The following BNC2 variants were observed in gnomAD, a reference collection of about 807,000 sequenced individuals.
BNC2 encodes the protein zinc finger protein basonuclin-2.
Under a neutral mutation model 76.3 loss-of-function variants are expected in BNC2, and 20 were observed. The observed-to-expected ratio is 0.26, with a 90% CI of 0.18 to 0.38. The LOEUF is 0.38. Among genes scored for constraint, BNC2 ranks in the 10% least tolerant of loss-of-function variants. The pLI is 1.00. For synonymous variants in BNC2, 582 were observed against 514.8 expected (o/e 1.13, Z -1.77); for missense variants, 1,382 against 1,399.8 (o/e 0.99, Z 0.20).
chr9:16,824,644 G>A (rs1818411347), intron 1 of BNC2, among the ~76,000 whole-genome samples: 2 of 152,102 alleles, frequency 1.3e-5, no homozygotes, highest in African/African-American at 4.8e-5. Context: ...GCTAGGCCCA[G>A]CTAATGCCAT....
At chr9:16,430,588 T>A (rs1820889942) in intron 6 of BNC2, among the ~76,000 whole-genome samples, 1 of 152,202 alleles carries the variant, frequency 6.6e-6, no homozygotes, top group Non-Finnish European at 1.5e-5. Flanking sequence ...TGTTTTCGCA[T>A]CTTCACCTCT....
At chr9:16,578,942 G>A (rs1395783170) in intron 4 of BNC2, among the ~76,000 whole-genome samples, 2 of 152,000 alleles carry the variant, frequency 1.3e-5, no homozygotes, top group Non-Finnish European at 2.9e-5. Context: ...GCCATTTCTG[G>A]CCCATCAACT....
At chr9:16,718,019 A>T (rs1824039137) in intron 3 of BNC2, among the ~76,000 whole-genome samples, 1 of 152,208 alleles carries the variant, frequency 6.6e-6, no homozygotes, top group African/African-American at 2.4e-5. Flanking sequence ...GTCATGAGAA[A>T]ACCTGGAATA....
intron 1 of BNC2, among the ~76,000 whole-genome samples, chr9:16,810,896 T>G (rs1240302587): frequency 1.3e-5 from 2 of 152,148 alleles, no homozygotes; most frequent in Non-Finnish European, 2.9e-5. Context: ...TCCCCAAATT[T>G]TTTTTAAAAG....
chr9:16,445,050 A>C (rs980014778), intron 5 of BNC2, among the ~76,000 whole-genome samples: 1 of 152,208 alleles, frequency 6.6e-6, no homozygotes. Context: ...TGTAAGTATG[A>C]GCAGGCAAGA....
intron 5 of BNC2, among the ~76,000 whole-genome samples, chr9:16,482,706 G>T (rs1335740806): frequency 6.6e-6 from 1 of 152,160 alleles, no homozygotes; most frequent in African/African-American, 2.4e-5. Context: ...CACAAGAAAA[G>T]ATTCCCTTCC....
intron 4 of BNC2, chr9:16,579,807 A>G: frequency 3.7e-6 from 1 of 268,392 alleles, no homozygotes; most frequent in Non-Finnish European, 6.9e-6. Flanking sequence ...TAACAAGGAT[A>G]ATTTATTCAA....
At chr9:16,675,920 C>T (rs1189279260) in intron 3 of BNC2, among the ~76,000 whole-genome samples, 1 of 151,984 alleles carries the variant, frequency 6.6e-6, no homozygotes, top group African/African-American at 2.4e-5. Context: ...CAAAAATTAG[C>T]TGGGTGTGGT....
intron 5 of BNC2, among the ~76,000 whole-genome samples, chr9:16,539,734 G>T (rs1818252820): frequency 8.3e-6 from 1 of 120,770 alleles, no homozygotes; most frequent in African/African-American, 3.4e-5. Flanking sequence ...GGAAAAGAGG[G>T]AAAGGGAAGG....
intron 5 of BNC2, among the ~76,000 whole-genome samples, chr9:16,512,543 C>A (rs1383453717): frequency 6.6e-6 from 1 of 152,018 alleles, no homozygotes; most frequent in Non-Finnish European, 1.5e-5. Flanking sequence ...AATAAACAAC[C>A]AACTGAACTA....
At chr9:16,430,806 G>A (rs749643999) in intron 6 of BNC2, among the ~76,000 whole-genome samples, 4 of 152,192 alleles carry the variant, frequency 2.6e-5, no homozygotes, top group African/African-American at 7.2e-5. Context: ...CATGTCTTCC[G>A]CCATAGGAAT....
intron 3 of BNC2, among the ~76,000 whole-genome samples, chr9:16,641,215 T>C (rs1821483780): frequency 1.3e-5 from 2 of 152,204 alleles, no homozygotes; most frequent in Non-Finnish European, 2.9e-5. Flanking sequence ...TCACACTATG[T>C]ACAGTATGCA....
At chr9:16,644,135 C>T (rs1352202472) in intron 3 of BNC2, among the ~76,000 whole-genome samples, 1 of 152,170 alleles carries the variant, frequency 6.6e-6, no homozygotes, top group Admixed American at 6.6e-5. Flanking sequence ...TGCCTTTCTA[C>T]AATGATATCA....
chr9:16,484,119 G>C (rs548573945), intron 5 of BNC2, among the ~76,000 whole-genome samples: 5 of 152,184 alleles, frequency 3.3e-5, no homozygotes, highest in Non-Finnish European at 7.4e-5. Flanking sequence ...TCCAAACTCA[G>C]GCACCTCTAT....
intron 5 of BNC2, among the ~76,000 whole-genome samples, chr9:16,524,332 C>G (rs1341178543): frequency 6.6e-6 from 1 of 152,104 alleles, no homozygotes; most frequent in African/African-American, 2.4e-5. Flanking sequence ...TCTCATTTGC[C>G]TAGGTCGTTA....
chr9:16,773,951 C>T (rs1396341285), intron 1 of BNC2, among the ~76,000 whole-genome samples: 1 of 152,098 alleles, frequency 6.6e-6, no homozygotes, highest in Non-Finnish European at 1.5e-5. Context: ...CCCAAAGGTC[C>T]AAATTGACAG....
intron 5 of BNC2, among the ~76,000 whole-genome samples, chr9:16,500,688 G>C (rs186681932): frequency 6.6e-6 from 1 of 152,128 alleles, no homozygotes; most frequent in African/African-American, 2.4e-5. Context: ...GGAGGCATGA[G>C]GGAGGGAAAA....
intron 1 of BNC2, among the ~76,000 whole-genome samples, chr9:16,795,213 G>C (rs57542309): frequency 0.18 from 27,645 of 151,926 alleles, 3,510 homozygotes; most frequent in East Asian, 0.44. Context: ...CTTTAAAGCA[G>C]TGTAGGCGGA....
At chr9:16,518,494 C>A (rs1817507583) in intron 5 of BNC2, among the ~76,000 whole-genome samples, 1 of 152,142 alleles carries the variant, frequency 6.6e-6, no homozygotes, top group Non-Finnish European at 1.5e-5. Flanking sequence ...AATGCCCCCA[C>A]CTTACTATTA....
Sources: allele counts gnomAD v4.1 joint callset (sites outside exome capture counted in the v4.1 genomes callset), GRCh38; gene constraint gnomAD v4.1.1; transcripts MANE v1.5; gene names NCBI Gene and HGNC (gene_info 2026-07-23, HGNC 2026-07-21).